Variants in WDPCP observed in about 807,000 individuals in gnomAD.
The protein encoded by WDPCP is WD repeat-containing and planar cell polarity effector protein fritz homolog.
A neutral mutation model predicts 93.1 loss-of-function variants in WDPCP; 71 were observed. The observed-to-expected ratio is 0.76, with a 90% confidence interval of 0.63 to 0.93. The LOEUF is 0.93. WDPCP is among the 40% of genes least tolerant of loss of function. The pLI is 0.00. For missense variants in WDPCP, 844 were observed against 887.4 expected, an observed-to-expected ratio of 0.95 and a Z score of 0.62; for synonymous variants, 315 against 315.0, an observed-to-expected ratio of 1.00 and a Z score of 0.00.
chr2:63,491,186 T>A (rs1348388828), intron 2 of WDPCP, among the ~76,000 whole-genome samples: 4 of 152,178 alleles, frequency 2.6e-5, no homozygotes, highest in Non-Finnish European at 5.9e-5. Flanking sequence ...GATTTAGTAT[T>A]TTTCCTTAGG....
At chr2:63,465,944 T>G (rs1699322124) in intron 6 of WDPCP, among the ~76,000 whole-genome samples, 1 of 152,136 alleles carries the variant, frequency 6.6e-6, no homozygotes, top group African/African-American at 2.4e-5. Flanking sequence ...CCTTGAGACT[T>G]TAAAAAATAT....
At chr2:63,693,360 T>C (rs897018732) in intron 2 of WDPCP, among the ~76,000 whole-genome samples, 6 of 152,026 alleles carry the variant, frequency 3.9e-5, no homozygotes, top group Non-Finnish European at 7.4e-5. Flanking sequence ...TAAAATACCA[T>C]ATTAGTGGTA....
chr2:63,840,576 C>T, the WDPCP span, among the ~76,000 whole-genome samples: 1 of 152,210 alleles, frequency 6.6e-6, no homozygotes, highest in Non-Finnish European at 1.5e-5. Context: ...CTCCCCCAAC[C>T]AGATGTGATG....
chr2:63,793,112 C>T lies in WDPCP; in HGVS notation n.308+20510G>A, dbSNP rs533063091. Among the ~76,000 whole-genome samples the T allele has an allele frequency of 3.3e-5, 5 of 151,868 alleles. No individual in the cohort carries two copies. In the South Asian group the frequency reaches 8.3e-4, roughly 25 times the overall value. ...ATAAAAAGTCTTTCAGTTTGAGCTT[C>T]TTGATTTTTTTTTTTAGAGACAGGG... On this transcript the variant is annotated intron_variant and non_coding_transcript_variant, in intron 2 of 4. Coordinates refer to the WDPCP transcript ENST00000467687.
intron 3 of WDPCP, among the ~76,000 whole-genome samples, chr2:63,608,626 A>T (rs1709580160): frequency 6.6e-6 from 1 of 151,622 alleles, no homozygotes; most frequent in African/African-American, 2.4e-5. Flanking sequence ...CTGGGCAACA[A>T]AACAAGACCC....
intron 1 of WDPCP, among the ~76,000 whole-genome samples, chr2:63,516,788 A>T (rs1462766105): frequency 6.6e-6 from 1 of 151,962 alleles, no homozygotes; most frequent in Non-Finnish European, 1.5e-5. Flanking sequence ...TAAAGTTCTG[A>T]TATTCTTTTC....
At chr2:63,165,703 ATTG>A (rs1000799269) in intron 15 of WDPCP, among the ~76,000 whole-genome samples, 13 of 150,204 alleles carry the variant, frequency 8.7e-5, no homozygotes, top group Non-Finnish European at 1.8e-4. Flanking sequence ...TATGTTATCT[ATTG>A]TTTTCTAAGT....
chr2:63,642,565 G>A (rs1294774946), intron 3 of WDPCP: 4 of 148,696 alleles, frequency 2.7e-5, no homozygotes, highest in African/African-American at 7.5e-5. Context: ...TGTGGCTATT[G>A]TAAATGGGAT....
At chr2:63,284,855 A>C (rs1683578674) in intron 13 of WDPCP, among the ~76,000 whole-genome samples, 1 of 152,216 alleles carries the variant, frequency 6.6e-6, no homozygotes, top group Non-Finnish European at 1.5e-5. Context: ...TGGAAGGTGA[A>C]GCTGCTGGTA....
intron 9 of WDPCP, among the ~76,000 whole-genome samples, chr2:63,428,691 C>A (rs1356371032): frequency 6.6e-6 from 1 of 152,184 alleles, no homozygotes; most frequent in African/African-American, 2.4e-5. Flanking sequence ...CCTACTCTCA[C>A]CACTCCTGTT....
intron 9 of WDPCP, among the ~76,000 whole-genome samples, chr2:63,420,441 G>A (rs1695768686): frequency 6.6e-6 from 1 of 150,674 alleles, no homozygotes; most frequent in Non-Finnish European, 1.5e-5. Flanking sequence ...GGCTGAGGCA[G>A]CAAAATCACT....
chr2:63,130,425 C>T (rs1347833344), intron 17 of WDPCP, among the ~76,000 whole-genome samples: 1 of 152,092 alleles, frequency 6.6e-6, no homozygotes, highest in Admixed American at 6.6e-5. Context: ...TATCCACATA[C>T]ACAAAGGTTT....
At position 63,706,480 on chromosome 2, in the gene WDPCP, GGGCAGGC is replaced by G. The variant is rs1669154343; in HGVS notation, n.309-55649_309-55643del. 7.9e-5 allele frequency among the ~76,000 whole-genome samples: 12 copies of G among 152,168 alleles called. No individual in the cohort carries two copies. The South Asian group carries it at 2.5e-3, about 32-fold the overall frequency. On this transcript the variant is annotated intron_variant and non_coding_transcript_variant, in intron 2 of 4. Coordinates refer to the WDPCP transcript ENST00000467687. ...AGTGCTTCCTTCAGGAGCTCTTTTAGGGCAGGCCTGGTGGTGACAGAATCTCTCAGCA... is the reference window on the plus strand; with the variant it reads ...AGTGCTTCCTTCAGGAGCTCTTTTAGCTGGTGGTGACAGAATCTCTCAGCA...
intron 2 of WDPCP, 117 bp downstream of exon 2, chr2:63,492,739 G>C: frequency 1.1e-6 from 1 of 893,448 alleles, no homozygotes. Flanking sequence ...TTTTCATTAA[G>C]AATAAAGAAA....
chr2:63,567,716 A>G (rs1238264406), intron 1 of WDPCP, among the ~76,000 whole-genome samples: 1 of 152,172 alleles, frequency 6.6e-6, no homozygotes, highest in Non-Finnish European at 1.5e-5. Context: ...TCATAGCACT[A>G]ATAACAGTTT....
At chr2:63,485,825 ATATACATAG>A (rs1191384100) in intron 4 of WDPCP, among the ~76,000 whole-genome samples, 1 of 151,862 alleles carries the variant, frequency 6.6e-6, no homozygotes, top group African/African-American at 2.4e-5. Flanking sequence ...GTACATATAC[ATATACATAG>A]TATACATAGA....
chr2:63,682,546 T>C lies in WDPCP; in HGVS notation n.309-31708A>G, dbSNP rs181895288. ...AAGCATGCCTACAGGATCTAGTAAATAGTCTCAAAAGGGAAAATCTAAGAG... is the reference window on the plus strand; with the variant it reads ...AAGCATGCCTACAGGATCTAGTAAACAGTCTCAAAAGGGAAAATCTAAGAG... On this transcript the variant is annotated intron_variant and non_coding_transcript_variant, in intron 2 of 4. Coordinates refer to the WDPCP transcript ENST00000467687. Among the ~76,000 whole-genome samples, 591 of 151,924 alleles carry C rather than the reference T, an allele frequency of 3.9e-3. 7 individuals are homozygous for C. Among genetic ancestry groups the C allele is most frequent in the Non-Finnish European group, 2.9e-3 (200 of 67,972 alleles).
intron 1 of WDPCP, among the ~76,000 whole-genome samples, chr2:63,494,257 G>T (rs925629507): frequency 6.7e-6 from 1 of 148,804 alleles, no homozygotes; most frequent in African/African-American, 2.5e-5. Context: ...AGAAGGATAA[G>T]ATTTCACCAG....
At chr2:63,438,111 C>A in intron 7 of WDPCP, 1 of 879,980 alleles carries the variant, frequency 1.1e-6, no homozygotes. Flanking sequence ...TGAAAATTAG[C>A]ACAATATTTC....
Sources: allele counts gnomAD v4.1 joint callset (sites outside exome capture counted in the v4.1 genomes callset), GRCh38; gene constraint gnomAD v4.1.1; transcripts MANE v1.5; gene names NCBI Gene and HGNC (gene_info 2026-07-23, HGNC 2026-07-21).